KSR1: variants seen among roughly 807,000 people sequenced by gnomAD.
KSR1 encodes the protein kinase suppressor of ras 1, also known as kinase suppressor of ras.
Under a neutral mutation model 92.9 loss-of-function variants are expected in KSR1, and 35 were observed. The ratio of observed to expected loss-of-function variants is 0.38; its 90% CI spans 0.29 to 0.50. KSR1 has a LOEUF of 0.50. KSR1 is among the 20% of genes least tolerant of loss of function. KSR1 has a pLI of 0.94. For synonymous variants in KSR1, 467 were observed against 472.6 expected (o/e 0.99, Z 0.15); for missense variants, 972 against 1,158.5 (o/e 0.84, Z 2.34).
intron 1 of KSR1, among the ~76,000 whole-genome samples, chr17:27,484,069 AGGCTGACTT>A (rs2068593115): frequency 6.6e-6 from 1 of 151,992 alleles, no homozygotes; most frequent in African/African-American, 2.4e-5. Flanking sequence ...GGTTTAGAGG[AGGCTGACTT>A]GGGGTGTGAG....
At chr17:27,503,403 G>C (rs897216601) in intron 1 of KSR1, among the ~76,000 whole-genome samples, 3 of 152,210 alleles carry the variant, frequency 2.0e-5, no homozygotes, top group Non-Finnish European at 2.9e-5. Context: ...ATAGTGCAAG[G>C]TTGAGATTCT....
rs568356497 is a variant in KSR1, at chr17:27,623,758, T to C, written c.*366T>C. The C allele has an allele frequency of 4.5e-5, 25 of 552,714 alleles. No individual in the cohort carries two copies. The highest frequency in any genetic ancestry group is 2.6e-4 in the Admixed American group (7 of 26,846). The allele number at this position is 552,714 out of a possible 1,614,324, so 34.2% of individuals were successfully genotyped here. On this transcript the variant is annotated 3_prime_UTR_variant, in exon 21 of 21. Transcript: ENST00000644974. ...TCCCCTCTGAGGACCTTGTAGGCGG[T>C]GAGGGACCCATGCTGGGCCAGAAGG...
chr17:27,494,636 C>G lies in KSR1; in HGVS notation c.231+37762C>G, dbSNP rs73983442. Among the ~76,000 whole-genome samples, 1,035 of 152,266 alleles carry G rather than the reference C, an allele frequency of 6.8e-3. 11 individuals are homozygous for G. Among genetic ancestry groups the G allele is most frequent in the African/African-American group, 0.023 (952 of 41,538 alleles). ...CGGGGACAAGTACGAACAGGTCTTTCGATTTACATTTAAAAGCAGTAGAGA... is the reference window on the plus strand; with the variant it reads ...CGGGGACAAGTACGAACAGGTCTTTGGATTTACATTTAAAAGCAGTAGAGA... On this transcript the variant is annotated intron_variant, in intron 1 of 20. Coordinates refer to ENST00000644974, the MANE Select transcript of KSR1 (RefSeq NM_001394583.1).
rs544069572 is a variant in KSR1 at position 27,604,597 on chromosome 17, C to T, written c.1566-83C>T. The stretch of plus-strand genomic sequence containing the variant: ...TGAGTCAGAGTAAGTACCTTTGTCT[C>T]AGATCTCTCCCGGGAGTCCCCGCTA... On this transcript the variant is annotated intron_variant, in intron 12 of 20. Coordinates refer to ENST00000644974, the MANE Select transcript of KSR1 (RefSeq NM_001394583.1). 9.4e-6 allele frequency: 13 copies of T among 1,378,240 alleles called. No individual in the cohort carries two copies. The South Asian group carries it at 1.4e-4, about 15-fold the overall frequency. 85.4% of individuals were successfully genotyped at this position (1,378,240 alleles called of 1,614,324 possible).
At position 27,582,796 on chromosome 17, in the gene KSR1, G is replaced by A. The variant is rs1295632597; in HGVS notation, c.671G>A (p.Gly224Asp). 4 of 1,613,576 alleles carry A rather than the reference G, an allele frequency of 2.5e-6. No homozygotes were observed. The highest frequency in any genetic ancestry group is 3.4e-6 in the Non-Finnish European group (4 of 1,179,742). Reference protein sequence around the residue: ...QLGRAGNSAQGPRSISVSALP... With the variant: ...QLGRAGNSAQDPRSISVSALP... ...GGCAGAGCAGGCAACAGCGCCCAGG[G>A]CCCACGCTCCATCTCCGTGTCAGCT... Residue 224 changes from glycine (G) to aspartate (D), a missense_variant, in exon 4 of 21, where the codon GGC becomes GAC. Physicochemically the swap from Gly to Asp is moderately conservative, Grantham distance 94 (BLOSUM62 -1). Transcript: ENST00000644974.
intron 1 of KSR1, among the ~76,000 whole-genome samples, chr17:27,527,568 GTATT>G (rs1175574400): frequency 6.6e-6 from 1 of 152,066 alleles, no homozygotes; most frequent in Non-Finnish European, 1.5e-5. Flanking sequence ...GCTAATTTTT[GTATT>G]TTAGTAGAGA....
At chr17:27,613,342 A>C (rs1358520572) in intron 18 of KSR1, 1 of 152,290 alleles carries the variant, frequency 6.6e-6, no homozygotes, top group Non-Finnish European at 1.5e-5. Flanking sequence ...TTCTTGTCTC[A>C]TGACCAGGAA....
At chr17:27,565,190 G>GT (rs1435095855) in intron 2 of KSR1, among the ~76,000 whole-genome samples, 1 of 152,198 alleles carries the variant, frequency 6.6e-6, no homozygotes, top group East Asian at 1.9e-4. Flanking sequence ...AGGAAACACT[G>GT]TAAACCATTT....
At chr17:27,601,440 G>C in intron 11 of KSR1, 39 bp downstream of exon 11, 2 of 1,586,816 alleles carry the variant, frequency 1.3e-6, no homozygotes, top group Non-Finnish European at 1.7e-6. Context: ...GCCCTTTGCT[G>C]TGACCCCTTC....
Position 27,609,453 on chromosome 17 carries a change from G to A in KSR1, c.2225+124G>A, listed in dbSNP as rs1024447796. ...CCCTCCCTGCAGGGAAGCCCAGGTC[G>A]CTTTGGTCCTGCCCTCGTAGTTCTG... On this transcript the variant is annotated intron_variant, in intron 16 of 20. Transcript: ENST00000644974. 8.2e-5 allele frequency: 104 copies of A among 1,276,074 alleles called. 3 individuals are homozygous for A. In the South Asian group the frequency reaches 1.3e-3, roughly 16 times the overall value. 79.0% of individuals were successfully genotyped at this position (1,276,074 alleles called of 1,614,324 possible).
intron 2 of KSR1, among the ~76,000 whole-genome samples, chr17:27,568,007 G>A (rs4795747): frequency 0.038 from 5,754 of 152,306 alleles, 157 homozygotes; most frequent in Non-Finnish European, 0.053. Flanking sequence ...GGTAGCTGTG[G>A]CATTGGTCTC....
intron 1 of KSR1, among the ~76,000 whole-genome samples, chr17:27,531,788 GTTAC>G (rs1206609674): frequency 6.6e-6 from 1 of 152,204 alleles, no homozygotes; most frequent in Admixed American, 6.5e-5. Flanking sequence ...ACCCTGGACA[GTTAC>G]TTTATCTCTC....
At chr17:27,537,709 T>G (rs1269475532) in intron 1 of KSR1, among the ~76,000 whole-genome samples, 1 of 151,824 alleles carries the variant, frequency 6.6e-6, no homozygotes, top group East Asian at 1.9e-4. Flanking sequence ...AAACAAACAA[T>G]AAAATAAAAA....
chr17:27,597,153 T>G (rs1016967857), intron 9 of KSR1, 115 bp from the exon 10 acceptor site: 29 of 1,170,754 alleles, frequency 2.5e-5, no homozygotes, highest in Non-Finnish European at 3.6e-6. Flanking sequence ...TGTCAGACCC[T>G]GAGGATTCCC....
In KSR1 at chr17:27,623,362, C is replaced by T. The variant is rs1333570548; in HGVS notation, c.2757C>T (p.Gly919=). 10 of 765,054 alleles carry T rather than the reference C, an allele frequency of 1.3e-5. No individual in the cohort carries two copies. Among genetic ancestry groups the T allele is most frequent in the Middle Eastern group, 2.3e-4 (1 of 4,438 alleles). The allele number at this position is 765,054 out of a possible 1,614,324, so 47.4% of individuals were successfully genotyped here. ...CCCGGTTTGAAAGGTTTGGCTTGGG[C>T]GTCCTGGAGTCCAGTAATCCAAAGA... is the stretch of plus-strand genomic sequence containing the variant. ...VVPRFERFGL[G]VLESSNPKM Residue 919 remains glycine (G), a synonymous_variant, in exon 21 of 21, where the codon GGC becomes GGT. Transcript: ENST00000644974.
chr17:27,465,133 T>G (rs1329864367), intron 1 of KSR1: 1 of 150,444 alleles, frequency 6.6e-6, no homozygotes, highest in African/African-American at 2.5e-5. Flanking sequence ...ATAAAAAAAT[T>G]TGTTGTCATT....
chr17:27,512,320 T>C (rs2069630528), intron 1 of KSR1, among the ~76,000 whole-genome samples: 1 of 152,238 alleles, frequency 6.6e-6, no homozygotes, highest in African/African-American at 2.4e-5. Context: ...TGCTGTACCC[T>C]TGCCAGTTTC....
intron 3 of KSR1, chr17:27,578,183 C>G (rs576863935): frequency 9.5e-5 from 16 of 167,762 alleles, no homozygotes; most frequent in South Asian, 4.0e-4. Flanking sequence ...AATCTTGCGT[C>G]GGAAACAGCT....
chr17:27,606,950 G>T (rs1385997471), intron 14 of KSR1, among the ~76,000 whole-genome samples: 1 of 152,100 alleles, frequency 6.6e-6, no homozygotes, highest in Non-Finnish European at 1.5e-5. Context: ...TCGTGCCTCA[G>T]CCTCCCAAGT....
Sources: gnomAD v4.1 joint callset for allele counts (sites outside exome capture counted in the v4.1 genomes callset) on GRCh38, gnomAD v4.1.1 for gene constraint, MANE v1.5 for transcripts, NCBI Gene and HGNC (gene_info 2026-07-23, HGNC 2026-07-21) for gene names.